The following LRRD1 variants were observed in gnomAD, a reference collection of about 807,000 sequenced individuals.
LRRD1 encodes leucine-rich repeat and death domain-containing protein 1.
In LRRD1, 49 loss-of-function variants were observed where a neutral mutation model predicts 69.5. The observed-to-expected ratio is 0.70, with a 90% confidence interval of 0.56 to 0.89. The LOEUF (loss-of-function observed/expected upper bound fraction) is 0.89, where lower values mean the gene tolerates loss of function less well. LRRD1 is among the 40% of genes least tolerant of loss of function. LRRD1 has a pLI of 0.00. For missense variants in LRRD1, 853 were observed against 956.0 expected (o/e 0.89, Z 1.42); for synonymous variants, 303 against 338.9 (o/e 0.89, Z 1.16).
chr7:92,155,058 G>A (rs919439938), intron 3 of LRRD1, among the ~76,000 whole-genome samples: 1 of 152,070 alleles, frequency 6.6e-6, no homozygotes, highest in Non-Finnish European at 1.5e-5. Context: ...TAGAATATTC[G>A]TCCTTAGCGT....
Position 92,150,583 on chromosome 7 carries a change from T to C in LRRD1, c.2229A>G (p.Lys743=). Residue 743 remains lysine (K), a synonymous_variant, in exon 4 of 6, where the codon AAA becomes AAG. Transcript: ENST00000458448. ...GATAGCGTGCAATAGTATACAACTG[T>C]TTTCCTTTACAGATTTCCACTGGAG... ...LRPPVEICKG[K]QLYTIARYLQ... is the part of the protein sequence containing the mutation. 1 of 1,551,626 alleles carries C rather than the reference T, an allele frequency of 6.4e-7. No individual in the cohort carries two copies. Among genetic ancestry groups the C allele is most frequent in the Middle Eastern group, 1.7e-4 (1 of 5,992 alleles).
At chr7:92,151,829 A>G (rs1049948510) in intron 3 of LRRD1, among the ~76,000 whole-genome samples, 8 of 151,848 alleles carry the variant, frequency 5.3e-5, no homozygotes, top group Non-Finnish European at 1.2e-4. Context: ...GGCACCTGTA[A>G]TCCCAGCTAC....
intron 1 of LRRD1, among the ~76,000 whole-genome samples, chr7:92,172,383 G>C (rs1789075524): frequency 6.6e-6 from 1 of 152,096 alleles, no homozygotes; most frequent in Admixed American, 6.5e-5. Context: ...GTCCAAATTG[G>C]CAAGGAAGCA....
chr7:92,152,817 C>T lies in LRRD1; in HGVS notation c.2117-2122G>A, dbSNP rs116270643. Among the ~76,000 whole-genome samples, 401 of 151,978 alleles carry T rather than the reference C, an allele frequency of 2.6e-3. 5 individuals are homozygous for T. The highest frequency in any genetic ancestry group is 9.2e-3 in the African/African-American group (383 of 41,478). ...TCCTGAGTAGCTGGGACTATAGGTGCGTGCCACCACACCAGCTGATTTTTG... is the reference window on the plus strand; with the variant it reads ...TCCTGAGTAGCTGGGACTATAGGTGTGTGCCACCACACCAGCTGATTTTTG... On this transcript the variant is annotated intron_variant, in intron 3 of 5. Transcript: ENST00000458448.
At chr7:92,152,413 TC>T (rs1820493860) in intron 3 of LRRD1, among the ~76,000 whole-genome samples, 1 of 152,036 alleles carries the variant, frequency 6.6e-6, no homozygotes, top group African/African-American at 2.4e-5. Flanking sequence ...TTGAAGAGCT[TC>T]CAGTTTTGGC....
Position 92,163,657 on chromosome 7 carries a change from C to CTAGTGG in LRRD1, c.1545_1546insCCACTA (p.Leu515_Glu516insProLeu), listed in dbSNP as rs1301967947. The CTAGTGG allele has an allele frequency of 1.6e-5, 24 of 1,503,192 alleles. No homozygotes were observed. The highest frequency in any genetic ancestry group is 2.0e-5 in the Non-Finnish European group (23 of 1,128,704). The allele number at this position is 1,503,192 out of a possible 1,614,324, so 93.1% of individuals were successfully genotyped here. On this transcript the variant is annotated inframe_insertion, in exon 2 of 6. Coordinates refer to ENST00000458448, the MANE Select transcript of LRRD1 (RefSeq NM_001161528.2). ...ATGAGGAGTTTGTTTTCACTCAATTCTAAATGAAGCAGTTGTTTACTGAAA... is the reference window on the plus strand; with the variant it reads ...ATGAGGAGTTTGTTTTCACTCAATTCTAGTGGTAAATGAAGCAGTTGTTTACTGAAA...
At chr7:92,160,071 C>T (rs1289555163) in intron 2 of LRRD1, among the ~76,000 whole-genome samples, 1 of 151,904 alleles carries the variant, frequency 6.6e-6, no homozygotes, top group Non-Finnish European at 1.5e-5. Flanking sequence ...GCAATGTGAC[C>T]TTAAATAAAA....
At chr7:92,170,001 T>C (rs1789013686) in intron 1 of LRRD1, among the ~76,000 whole-genome samples, 1 of 149,616 alleles carries the variant, frequency 6.7e-6, no homozygotes, top group Non-Finnish European at 1.5e-5. Flanking sequence ...GCCCAGGAGG[T>C]TGAGGCTGCA....
intron 4 of LRRD1, chr7:92,149,870 C>T (rs1480797927): frequency 2.2e-6 from 1 of 454,078 alleles, no homozygotes; most frequent in East Asian, 7.0e-5. Context: ...TCTTTTAGAA[C>T]AACTACATTT....
At position 92,164,852 on chromosome 7, in the gene LRRD1, T is replaced by A. The variant is rs762472192; in HGVS notation, c.351A>T (p.Leu117=). 2 of 1,551,658 alleles carry A rather than the reference T, an allele frequency of 1.3e-6. No homozygotes were observed. Among genetic ancestry groups the A allele is most frequent in the South Asian group, 1.2e-5 (1 of 84,066 alleles). ...TAACTTCTCCTACTGTTTCATGAGA[T>A]AGGAAGTTAACCAAAGCCTGATATT... ...TAEYQALVNF[L]SHETVGEVSP... is the part of the protein sequence containing the mutation. Residue 117 remains leucine, a synonymous_variant, in exon 2 of 6, where the codon CTA becomes CTT. Transcript: ENST00000458448.
chr7:92,142,593 C>CGA (rs747198900), downstream of LRRD1: 300 of 449,876 alleles, frequency 6.7e-4, 3 homozygotes, highest in Middle Eastern at 2.2e-3. Flanking sequence ...AGTATGAAGC[C>CGA]GACCCTCACG....
rs186983618 is a variant in LRRD1 at position 92,163,612 on chromosome 7, A to G, written c.1591T>C (p.Ser531Pro). The change falls in exon 2 of 6, where the codon TCT becomes CCT. Residue 531 changes from serine (S) to proline (P), a missense_variant. Transcript: ENST00000458448. ...TCCAGGTATTTAAGATTAATAAGAGAACAAAAGTGCTCAGAAAATATGAGG... is the reference window on the plus strand; with the variant it reads ...TCCAGGTATTTAAGATTAATAAGAGGACAAAAGTGCTCAGAAAATATGAGG... The part of the protein sequence containing the change: ...KLLIFSEHFC[S>P]LINLKYLDLG... 6.6e-7 allele frequency: 1 copy of G among 1,521,854 alleles called. No individual in the cohort carries two copies. Among genetic ancestry groups the G allele is most frequent in the Middle Eastern group, 1.7e-4 (1 of 5,808 alleles). The allele number at this position is 1,521,854 out of a possible 1,614,324, so 94.3% of individuals were successfully genotyped here.
chr7:92,156,745 A>G (rs1217674913), intron 3 of LRRD1, among the ~76,000 whole-genome samples: 2 of 152,076 alleles, frequency 1.3e-5, no homozygotes, highest in Non-Finnish European at 2.9e-5. Context: ...TTCCTTCACA[A>G]TCTATTTACT....
chr7:92,151,116 C>T (rs903583474), intron 3 of LRRD1, among the ~76,000 whole-genome samples: 4 of 152,106 alleles, frequency 2.6e-5, no homozygotes, highest in African/African-American at 7.2e-5. Flanking sequence ...ATCTAAGAAA[C>T]CAGTATTGGT....
intron 4 of LRRD1, among the ~76,000 whole-genome samples, chr7:92,148,441 A>T (rs924243193): frequency 6.7e-6 from 1 of 149,656 alleles, no homozygotes; most frequent in African/African-American, 2.5e-5. Flanking sequence ...AAAAAGTTTT[A>T]TATATACTCT....
At chr7:92,148,500 A>G (rs559681304) in intron 4 of LRRD1, among the ~76,000 whole-genome samples, 95 of 152,188 alleles carry the variant, frequency 6.2e-4, no homozygotes, top group Non-Finnish European at 1.2e-3. Context: ...TAAAATTCCA[A>G]TCTTCTAAGT....
chr7:92,144,614 C>T (rs193175734), downstream of LRRD1, among the ~76,000 whole-genome samples: 91 of 59,186 alleles, frequency 1.5e-3, 2 homozygotes, highest in Middle Eastern at 0.042. Flanking sequence ...GCAACAAGAG[C>T]AAAAACTCCA....
intron 1 of LRRD1, among the ~76,000 whole-genome samples, chr7:92,173,721 C>T (rs570876289): frequency 8.5e-5 from 13 of 152,094 alleles, no homozygotes; most frequent in South Asian, 6.2e-4. Flanking sequence ...TCTGCGATAT[C>T]GTTGATGGAA....
intron 3 of LRRD1, among the ~76,000 whole-genome samples, chr7:92,152,958 G>A (rs1050590543): frequency 5.3e-5 from 8 of 151,110 alleles, no homozygotes; most frequent in Non-Finnish European, 1.2e-4. Context: ...GTGAGCCACC[G>A]CGCCCAGCCT....
Sources: allele counts gnomAD v4.1 joint callset (sites outside exome capture counted in the v4.1 genomes callset), GRCh38; gene constraint gnomAD v4.1.1; transcripts MANE v1.5; gene names NCBI Gene and HGNC (gene_info 2026-07-23, HGNC 2026-07-21).